MYO16: variants seen among roughly 807,000 people sequenced by gnomAD.
The protein encoded by MYO16 is myosin XVI.
A neutral mutation model predicts 205.3 loss-of-function variants in MYO16; 94 were observed. The ratio of observed to expected loss-of-function variants is 0.46; its 90% CI spans 0.39 to 0.54. The LOEUF (loss-of-function observed/expected upper bound fraction) is 0.54. Among genes scored for constraint, MYO16 ranks in the 20% least tolerant of loss-of-function variants. The pLI is 0.00. For synonymous variants in MYO16, 988 were observed against 954.0 expected (o/e 1.04, Z -0.66); for missense variants, 2,315 against 2,387.5 (o/e 0.97, Z 0.63).
At position 108,972,368 on chromosome 13, in the gene MYO16, A is replaced by AGC. The variant is rs1884078828; in HGVS notation, c.2369+7466_2369+7467insGC. 1.8e-4 allele frequency among the ~76,000 whole-genome samples: 7 copies of AGC among 38,620 alleles called. 1 individual carries two copies. Among genetic ancestry groups the AGC allele is most frequent in the African/African-American group, 1.0e-3 (7 of 6,952 alleles). The allele number at this position is 38,620 out of a possible 152,430, so 25.3% of individuals were successfully genotyped here. ...TATATAGCCATATATATATATATAT[A>AGC]TATATATATATATATATATATATAT... On this transcript the variant is annotated intron_variant, in intron 20 of 34. Transcript: ENST00000457511.
chr13:109,192,163 G>A (rs746096476), intron 34 of MYO16, among the ~76,000 whole-genome samples: 2 of 152,088 alleles, frequency 1.3e-5, no homozygotes, highest in Non-Finnish European at 2.9e-5. Context: ...CTGTCATTTT[G>A]TATTTCTGAC....
chr13:109,161,077 A>C (rs913510099), intron 32 of MYO16, among the ~76,000 whole-genome samples: 9 of 152,334 alleles, frequency 5.9e-5, no homozygotes, highest in African/African-American at 1.7e-4. Flanking sequence ...AACTGGGAGA[A>C]GGGTGTTTAT....
At position 109,207,653 on chromosome 13, in the gene MYO16, G is replaced by C. The variant is rs1304257903; in HGVS notation, c.*817G>C. The C allele has an allele frequency of 6.6e-6, 1 of 152,212 alleles. No individual in the cohort carries two copies. Among genetic ancestry groups the C allele is most frequent in the East Asian group, 1.9e-4 (1 of 5,188 alleles). 9.4% of individuals were successfully genotyped at this position (152,212 alleles called of 1,614,324 possible). ...CAGCATAGATCACAGGAAATCACAT[G>C]GCACACGGTTAAACACGTATGGCTT... On this transcript the variant is annotated 3_prime_UTR_variant, in exon 35 of 35. Coordinates refer to ENST00000457511, the MANE Select transcript of MYO16 (RefSeq NM_001198950.3).
intron 2 of MYO16, among the ~76,000 whole-genome samples, chr13:108,698,467 T>C (rs1386737712): frequency 6.6e-6 from 1 of 152,218 alleles, no homozygotes; most frequent in Non-Finnish European, 1.5e-5. Context: ...TGGATTTTTC[T>C]CAAATCTCAC....
intron 1 of MYO16, among the ~76,000 whole-genome samples, chr13:108,662,430 T>G (rs577996511): frequency 6.6e-6 from 1 of 152,252 alleles, no homozygotes; most frequent in Admixed American, 6.5e-5. Context: ...GTGACTGAGC[T>G]TAGACTCTCC....
the MYO16 span, among the ~76,000 whole-genome samples, chr13:108,580,425 A>C: frequency 6.6e-6 from 1 of 152,238 alleles, no homozygotes; most frequent in African/African-American, 2.4e-5. Flanking sequence ...CTAGCTGGAC[A>C]GTTCTTTTAA....
intron 2 of MYO16, among the ~76,000 whole-genome samples, chr13:108,705,281 A>G (rs1219260814): frequency 6.6e-6 from 1 of 152,138 alleles, no homozygotes; most frequent in Non-Finnish European, 1.5e-5. Flanking sequence ...TTATCTAACC[A>G]TTGACATCAT....
At chr13:108,788,320 C>T (rs1019029656) in intron 5 of MYO16, among the ~76,000 whole-genome samples, 10 of 152,134 alleles carry the variant, frequency 6.6e-5, no homozygotes, top group African/African-American at 2.4e-4. Context: ...CTGAGCCTGC[C>T]AGGCTGTGAA....
At chr13:108,814,338 TTTTTC>T (rs1243395501) in intron 7 of MYO16, among the ~76,000 whole-genome samples, 1 of 152,062 alleles carries the variant, frequency 6.6e-6, no homozygotes, top group Non-Finnish European at 1.5e-5. Context: ...ACTTTCATTG[TTTTTC>T]TTTTCTTTCT....
intron 15 of MYO16, among the ~76,000 whole-genome samples, chr13:108,903,884 C>G (rs1313720362): frequency 6.6e-6 from 1 of 152,168 alleles, no homozygotes; most frequent in African/African-American, 2.4e-5. Context: ...TGCTCTATCT[C>G]AAACCAGGTC....
At chr13:108,639,371 GTAAT>G (rs1318357976) in intron 1 of MYO16, among the ~76,000 whole-genome samples, 3 of 152,166 alleles carry the variant, frequency 2.0e-5, no homozygotes, top group Non-Finnish European at 2.9e-5. Flanking sequence ...CCTACGTAGG[GTAAT>G]TATTTCATCT....
At chr13:109,175,487 G>A (rs1357344241) in intron 33 of MYO16, among the ~76,000 whole-genome samples, 1 of 152,210 alleles carries the variant, frequency 6.6e-6, no homozygotes, top group Non-Finnish European at 1.5e-5. Context: ...CTGGCTATCT[G>A]GAGGGTAGAG....
At chr13:109,039,533 A>G (rs929458338) in intron 23 of MYO16, among the ~76,000 whole-genome samples, 2 of 152,192 alleles carry the variant, frequency 1.3e-5, no homozygotes, top group East Asian at 1.9e-4. Flanking sequence ...CCAGAAATCA[A>G]TAACGGGAAG....
the MYO16 span, among the ~76,000 whole-genome samples, chr13:108,537,341 T>G: frequency 2.0e-5 from 3 of 152,176 alleles, no homozygotes; most frequent in Non-Finnish European, 4.4e-5. Context: ...TATTTCCTTT[T>G]TATGGCTGCA....
At chr13:109,185,363 C>G (rs1244909977) in intron 34 of MYO16, among the ~76,000 whole-genome samples, 1 of 151,920 alleles carries the variant, frequency 6.6e-6, no homozygotes, top group Non-Finnish European at 1.5e-5. Flanking sequence ...ATGTAACATG[C>G]CTAGCATGAT....
intron 16 of MYO16, among the ~76,000 whole-genome samples, chr13:108,930,962 A>G (rs1882231609): frequency 6.6e-6 from 1 of 152,234 alleles, no homozygotes; most frequent in Admixed American, 6.5e-5. Context: ...TCTTTTTAAG[A>G]TACTGCTGAA....
At chr13:109,040,557 A>G (rs1886855308) in intron 23 of MYO16, among the ~76,000 whole-genome samples, 1 of 152,138 alleles carries the variant, frequency 6.6e-6, no homozygotes, top group Admixed American at 6.5e-5. Context: ...CTGATTCAAT[A>G]TCTCAAAATC....
chr13:108,983,827 C>T (rs1023545055), intron 20 of MYO16, among the ~76,000 whole-genome samples: 2 of 152,152 alleles, frequency 1.3e-5, no homozygotes, highest in Admixed American at 6.5e-5. Context: ...GAAGTGCCCA[C>T]AGTCTTCTCC....
At position 108,898,020 on chromosome 13, in the gene MYO16, T is replaced by C; in HGVS notation, c.1664T>C (p.Val555Ala). 1.2e-6 allele frequency: 2 copies of C among 1,609,814 alleles called. No homozygotes were observed. The highest frequency in any genetic ancestry group is 2.2e-5 in the East Asian group (1 of 44,864). The change falls in exon 15 of 35, where the codon GTG (valine) becomes GCG (alanine). Residue 555 changes from valine (V) to alanine (A), a missense_variant. Val to Ala is a moderately conservative substitution (Grantham distance 64, BLOSUM62 0). Around this residue, in one of 3 missense-constraint regions of MYO16, gnomAD observed 1,213 missense variants for 1,274.4 expected, o/e 0.95. Coordinates refer to ENST00000457511, the MANE Select transcript of MYO16 (RefSeq NM_001198950.3). ...AAATGTTCTCCTCTCCCACAGGTCG[T>C]GTGCATCTTAGAAGCCTTTGGACAT... Reference protein sequence around the residue: ...ATLDSRFKHVVCILEAFGHAK... With the variant: ...ATLDSRFKHVACILEAFGHAK...
Sources: allele counts gnomAD v4.1 joint callset (sites outside exome capture counted in the v4.1 genomes callset), GRCh38; gene constraint gnomAD v4.1.1; regional missense constraint gnomAD v4.1.1; transcripts MANE v1.5; gene names NCBI Gene and HGNC (gene_info 2026-07-23, HGNC 2026-07-21).